The following SAP30BP variants were observed in gnomAD, a reference collection of about 807,000 sequenced individuals.
SAP30BP encodes the protein SAP30 binding protein.
A neutral mutation model predicts 46.3 loss-of-function variants in SAP30BP; 31 were observed. That is an observed-to-expected ratio of 0.67 (90% CI 0.50 to 0.90). The LOEUF (loss-of-function observed/expected upper bound fraction) is 0.90, where lower values mean the gene tolerates loss of function less well. SAP30BP is among the 40% of genes least tolerant of loss of function. The pLI is 0.00. For synonymous variants in SAP30BP, 169 were observed against 144.2 expected (o/e 1.17, Z -1.23); for missense variants, 312 against 391.0 (o/e 0.80, Z 1.70).
chr17:75,688,726 C>T (rs1227978597), intron 3 of SAP30BP, among the ~76,000 whole-genome samples: 2 of 152,194 alleles, frequency 1.3e-5, no homozygotes, highest in Non-Finnish European at 2.9e-5. Flanking sequence ...TGTCCAGTTT[C>T]GTGGGTCTAT....
rs773958182 is a variant in SAP30BP, at chr17:75,683,046, A to ATTT, written c.265-10393_265-10391dup. 2.2e-4 allele frequency among the ~76,000 whole-genome samples: 10 copies of ATTT among 46,076 alleles called. No individual in the cohort carries two copies. The East Asian group carries it at 9.5e-3, about 44-fold the overall frequency. 30.2% of individuals were successfully genotyped at this position (46,076 alleles called of 152,430 possible). On this transcript the variant is annotated intron_variant, in intron 3 of 10. Transcript: ENST00000584667. The stretch of plus-strand genomic sequence containing the variant: ...TAAGAAAAATTTATTTTATTTATTT[A>ATTT]TTTATTTATTTTTTTTGAGACAGAG...
chr17:75,704,829 A>T lies in SAP30BP; in HGVS notation c.660+15A>T. ...AGCGAACAAAAGTAAGTGATGGCAG[A>T]CCTCCTAGATGAAAAAGGCACATGT... On this transcript the variant is annotated intron_variant, in intron 9 of 10. Transcript: ENST00000584667. 1 of 1,607,566 alleles carries T rather than the reference A, an allele frequency of 6.2e-7. No homozygotes were observed. Among genetic ancestry groups the T allele is most frequent in the East Asian group, 2.2e-5 (1 of 44,848 alleles).
At chr17:75,678,408 T>C (rs2060024293) in intron 3 of SAP30BP, among the ~76,000 whole-genome samples, 1 of 151,894 alleles carries the variant, frequency 6.6e-6, no homozygotes, top group Non-Finnish European at 1.5e-5. Context: ...CTGTGTTGTT[T>C]AGGGAATAAT....
At chr17:75,696,058 T>TC (rs966345226) in intron 4 of SAP30BP, among the ~76,000 whole-genome samples, 2 of 152,130 alleles carry the variant, frequency 1.3e-5, no homozygotes, top group Non-Finnish European at 1.5e-5. Context: ...GTACTCTGGG[T>TC]GTTTTCTGAC....
chr17:75,677,286 G>A (rs1309542530), intron 3 of SAP30BP, among the ~76,000 whole-genome samples: 1 of 151,248 alleles, frequency 6.6e-6, no homozygotes, highest in Non-Finnish European at 1.5e-5. Context: ...TGTGTTTTTA[G>A]TAGAGACAGG....
chr17:75,676,861 CATAGT>C (rs1306485209), intron 3 of SAP30BP, among the ~76,000 whole-genome samples: 6 of 152,118 alleles, frequency 3.9e-5, no homozygotes, highest in Admixed American at 3.9e-4. Flanking sequence ...AGGAAAAAGA[CATAGT>C]ATGTATAGGT....
In SAP30BP at chr17:75,706,381, G is replaced by T; in HGVS notation, c.787G>T (p.Val263Leu). 6.2e-7 allele frequency: 1 copy of T among 1,614,072 alleles called. No individual in the cohort carries two copies. The highest frequency in any genetic ancestry group is 8.5e-7 in the Non-Finnish European group (1 of 1,180,040). The change falls in exon 11 of 11, where the codon GTG becomes TTG. Residue 263 changes from valine to leucine, a missense_variant. Around this residue, in one of 2 missense-constraint regions of SAP30BP, gnomAD observed 296 missense variants for 346.6 expected, o/e 0.85. Transcript: ENST00000584667. This position sits in a 1 kb window ranked among gnomAD's most constrained non-coding sequence, Gnocchi z 4.6. ...RKSKWDSAIP[V>L]TTIAQPTILT... ...GAGCAAGTGGGATTCGGCTATCCCA[G>T]TGACAACGATAGCCCAGCCCACCAT...
intron 8 of SAP30BP, among the ~76,000 whole-genome samples, chr17:75,704,405 TC>T (rs1272540781): frequency 6.6e-6 from 1 of 152,234 alleles, no homozygotes; most frequent in East Asian, 1.9e-4. Flanking sequence ...AATTTTGTCA[TC>T]TTTTAATTTG....
At chr17:75,704,569 G>A (rs919982683) in intron 8 of SAP30BP, 187 bp from the exon 9 acceptor site, 16 of 588,322 alleles carry the variant, frequency 2.7e-5, no homozygotes, top group Middle Eastern at 4.7e-4. Context: ...CATGCAGCCC[G>A]CCAGTCTGGA....
At chr17:75,698,760 G>A (rs2060360043) in intron 4 of SAP30BP, among the ~76,000 whole-genome samples, 2 of 152,236 alleles carry the variant, frequency 1.3e-5, no homozygotes, top group Non-Finnish European at 2.9e-5. Context: ...TTGGTAGCTT[G>A]AAATTGGCCA....
intron 3 of SAP30BP, among the ~76,000 whole-genome samples, chr17:75,690,960 A>G (rs2060233087): frequency 6.6e-6 from 1 of 152,130 alleles, no homozygotes; most frequent in Non-Finnish European, 1.5e-5. Flanking sequence ...TGGCCAGGCT[A>G]CTTCATGCAT....
chr17:75,677,055 C>G (rs1445216824), intron 3 of SAP30BP, among the ~76,000 whole-genome samples: 1 of 148,722 alleles, frequency 6.7e-6, no homozygotes, highest in African/African-American at 2.5e-5. Flanking sequence ...GATGTATATT[C>G]AAATGTCAAG....
At chr17:75,668,728 T>G (rs1253850372) in intron 2 of SAP30BP, 103 bp downstream of exon 2, 1 of 716,560 alleles carries the variant, frequency 1.4e-6, no homozygotes, top group Non-Finnish European at 2.3e-6. Context: ...GCTCCATCCC[T>G]TGCTCTCCCG....
chr17:75,673,126 A>C (rs1478670433), intron 3 of SAP30BP, among the ~76,000 whole-genome samples: 1 of 152,222 alleles, frequency 6.6e-6, no homozygotes, highest in African/African-American at 2.4e-5. Flanking sequence ...ATTGGATAGA[A>C]CTGTATGTAG....
chr17:75,705,778 G>T, intron 9 of SAP30BP: 1 of 1,025,714 alleles, frequency 9.7e-7, no homozygotes, highest in Non-Finnish European at 1.3e-6. Flanking sequence ...GCAGAGACCT[G>T]GTGATGCCGG....
chr17:75,694,653 G>T (rs529243919), intron 4 of SAP30BP, among the ~76,000 whole-genome samples: 1 of 152,224 alleles, frequency 6.6e-6, no homozygotes, highest in Admixed American at 6.5e-5. Flanking sequence ...CGGGTCGGGC[G>T]TGGACGGGAG....
In SAP30BP at chr17:75,673,384, G is replaced by T. The variant is rs561878851; in HGVS notation, c.264+1521G>T. ...CAAAGTCAGTCACAGCTCTCCTCGGGCTTGCAGAACAAAACACTCAGTAGT... is the reference window on the plus strand; with the variant it reads ...CAAAGTCAGTCACAGCTCTCCTCGGTCTTGCAGAACAAAACACTCAGTAGT... On this transcript the variant is annotated intron_variant, in intron 3 of 10. Coordinates refer to ENST00000584667, the MANE Select transcript of SAP30BP (RefSeq NM_013260.8). Among the ~76,000 whole-genome samples, 54 of 152,294 alleles carry T rather than the reference G, an allele frequency of 3.5e-4. 1 individual carries two copies. In the South Asian group the frequency reaches 0.011, roughly 30 times the overall value.
At chr17:75,679,003 T>C (rs2060035431) in intron 3 of SAP30BP, among the ~76,000 whole-genome samples, 1 of 150,538 alleles carries the variant, frequency 6.6e-6, no homozygotes, top group African/African-American at 2.5e-5. Flanking sequence ...TTTTTTTTTT[T>C]TTTTTTTTGA....
At chr17:75,704,350 T>C (rs776729980) in intron 8 of SAP30BP, among the ~76,000 whole-genome samples, 1 of 152,238 alleles carries the variant, frequency 6.6e-6, no homozygotes, top group African/African-American at 2.4e-5. Flanking sequence ...CTGCAGCCCA[T>C]GGCCCAGATC....
Sources: gnomAD v4.1 joint callset for allele counts (sites outside exome capture counted in the v4.1 genomes callset) on GRCh38, gnomAD v4.1.1 for gene constraint, gnomAD v4.1.1 regional missense constraint, Gnocchi (gnomAD v3.1) non-coding constraint, MANE v1.5 for transcripts, NCBI Gene and HGNC (gene_info 2026-07-23, HGNC 2026-07-21) for gene names.